The following CCSER1 variants were observed in gnomAD, a reference collection of about 807,000 sequenced individuals.
CCSER1 encodes coiled-coil serine rich protein 1, also known as serine-rich coiled-coil domain-containing protein 1.
CCSER1 carries 41 observed loss-of-function variants against 82.0 expected under a neutral mutation model. That is an observed-to-expected ratio of 0.50 (90% CI 0.39 to 0.65). CCSER1 has a LOEUF of 0.65. Among genes scored for constraint, CCSER1 ranks in the 30% least tolerant of loss-of-function variants. The pLI is 0.00. For synonymous variants in CCSER1, 414 were observed against 383.9 expected (o/e 1.08, Z -0.92); for missense variants, 1,119 against 1,064.2 (o/e 1.05, Z -0.72).
At chr4:91,380,130 G>A (rs1750764832) in intron 10 of CCSER1, among the ~76,000 whole-genome samples, 1 of 152,122 alleles carries the variant, frequency 6.6e-6, no homozygotes, top group Non-Finnish European at 1.5e-5. Context: ...TATAATTTCT[G>A]TTCTTTTACA....
intron 10 of CCSER1, among the ~76,000 whole-genome samples, chr4:91,282,522 C>A (rs1012928537): frequency 2.6e-5 from 4 of 152,222 alleles, no homozygotes; most frequent in African/African-American, 7.2e-5. Flanking sequence ...CTCTTCAGAG[C>A]AAAATGTATT....
chr4:91,389,009 C>G (rs1751485203), intron 10 of CCSER1, among the ~76,000 whole-genome samples: 1 of 151,980 alleles, frequency 6.6e-6, no homozygotes, highest in Non-Finnish European at 1.5e-5. Context: ...ATGCCTTTTA[C>G]AAATACTTCC....
intron 3 of CCSER1, among the ~76,000 whole-genome samples, chr4:90,324,020 T>C (rs1247815903): frequency 6.6e-6 from 1 of 152,194 alleles, no homozygotes; most frequent in East Asian, 1.9e-4. Flanking sequence ...TATGGCTGCA[T>C]AGTATTCCAT....
chr4:90,500,546 T>G (rs76146412), intron 5 of CCSER1, among the ~76,000 whole-genome samples: 2,450 of 152,108 alleles, frequency 0.016, 38 homozygotes, highest in African/African-American at 0.048. Context: ...GGCCAGGCTT[T>G]TTTTGAACTC....
At chr4:90,721,148 A>G (rs1742606405) in intron 6 of CCSER1, among the ~76,000 whole-genome samples, 1 of 151,940 alleles carries the variant, frequency 6.6e-6, no homozygotes, top group Non-Finnish European at 1.5e-5. Context: ...AATGAAAGAG[A>G]ACATAGTCTA....
chr4:90,717,686 A>G (rs1360449642), intron 6 of CCSER1, among the ~76,000 whole-genome samples: 1 of 151,816 alleles, frequency 6.6e-6, no homozygotes, highest in Non-Finnish European at 1.5e-5. Flanking sequence ...AAGGACACAC[A>G]TTAGACACTG....
chr4:91,350,014 T>C (rs930081773), intron 10 of CCSER1, among the ~76,000 whole-genome samples: 1 of 152,178 alleles, frequency 6.6e-6, no homozygotes, highest in Non-Finnish European at 1.5e-5. Context: ...AGAAGAGTTA[T>C]TGAGTTTCAG....
chr4:90,504,499 A>C (rs1309226862), intron 5 of CCSER1, among the ~76,000 whole-genome samples: 1 of 152,180 alleles, frequency 6.6e-6, no homozygotes, highest in African/African-American at 2.4e-5. Context: ...ACTTTTCCAC[A>C]TGGCTAAGCT....
intron 4 of CCSER1, among the ~76,000 whole-genome samples, chr4:90,412,736 C>A (rs761638855): frequency 6.6e-6 from 1 of 152,092 alleles, no homozygotes; most frequent in East Asian, 1.9e-4. Context: ...TCAGCAAAAT[C>A]GGCATAGAAG....
intron 10 of CCSER1, among the ~76,000 whole-genome samples, chr4:91,173,918 A>G (rs1733035005): frequency 1.3e-5 from 2 of 152,250 alleles, no homozygotes; most frequent in Admixed American, 1.3e-4. Flanking sequence ...AGCTAAATGT[A>G]CATTGGATTT....
chr4:90,203,982 A>C (rs1218824684), intron 1 of CCSER1, among the ~76,000 whole-genome samples: 1 of 152,128 alleles, frequency 6.6e-6, no homozygotes, highest in Non-Finnish European at 1.5e-5. Context: ...TGGCTGTATA[A>C]ATGTCTATTT....
At chr4:90,764,385 A>G (rs1039468230) in intron 7 of CCSER1, among the ~76,000 whole-genome samples, 4 of 152,184 alleles carry the variant, frequency 2.6e-5, no homozygotes, top group African/African-American at 7.2e-5. Context: ...AGAAAAATCA[A>G]TGCTTGGTCT....
rs1409343404 is a variant in CCSER1 at position 90,308,850 on chromosome 4, A to G, written c.566A>G (p.Tyr189Cys). Residue 189 changes from tyrosine to cysteine, a missense_variant, in exon 2 of 11, where the codon TAT (tyrosine) becomes TGT (cysteine). Transcript: ENST00000509176. ...CTCCCTAAATCTTTTTCATCTCACTATAAATTTTCTAAGCCAGTTCTACAG... is the reference window on the plus strand; with the variant it reads ...CTCCCTAAATCTTTTTCATCTCACTGTAAATTTTCTAAGCCAGTTCTACAG... The part of the protein sequence containing the change: ...KLLPKSFSSH[Y>C]KFSKPVLQSQ... 1.2e-6 allele frequency: 2 copies of G among 1,613,712 alleles called. No individual in the cohort carries two copies. Among genetic ancestry groups the G allele is most frequent in the African/African-American group, 1.3e-5 (1 of 74,918 alleles).
chr4:90,723,188 G>A (rs74786514), intron 6 of CCSER1, among the ~76,000 whole-genome samples: 31,119 of 151,736 alleles, frequency 0.21, 3,529 homozygotes, highest in Middle Eastern at 0.27. Context: ...TATTTTTCTT[G>A]CTTTTAGAAA....
intron 10 of CCSER1, among the ~76,000 whole-genome samples, chr4:91,519,931 C>G (rs1318324923): frequency 6.6e-6 from 1 of 152,188 alleles, no homozygotes; most frequent in East Asian, 1.9e-4. Flanking sequence ...GCCATCTTGT[C>G]CCTTCCCCCA....
At chr4:91,246,536 G>C (rs942328325) in intron 10 of CCSER1, among the ~76,000 whole-genome samples, 1 of 152,082 alleles carries the variant, frequency 6.6e-6, no homozygotes, top group South Asian at 2.1e-4. Context: ...CCAATGCTGG[G>C]TATATACCCA....
At chr4:91,353,368 A>G (rs1224330748) in intron 10 of CCSER1, among the ~76,000 whole-genome samples, 1 of 152,136 alleles carries the variant, frequency 6.6e-6, no homozygotes, top group Non-Finnish European at 1.5e-5. Context: ...CAGGGCAGGG[A>G]GTTTCACGAT....
Position 90,932,982 on chromosome 4 carries a change from G to GAGAAAAAGAA in CCSER1, c.2172+9540_2172+9541insAAGAAAGAAA, listed in dbSNP as rs1730230217. ...AGAAAGAAAGAAAGAAAGAAAGAAA[G>GAGAAAAAGAA]AGAAAGAAAGAAAGAAAGAAAGAAA... is the stretch of plus-strand genomic sequence containing the variant. On this transcript the variant is annotated intron_variant, in intron 9 of 10. Coordinates refer to ENST00000509176, the MANE Select transcript of CCSER1 (RefSeq NM_001145065.2). Among the ~76,000 whole-genome samples, 4 of 18,856 alleles carry GAGAAAAAGAA rather than the reference G, an allele frequency of 2.1e-4. 2 individuals carry two copies. Among genetic ancestry groups the GAGAAAAAGAA allele is most frequent in the African/African-American group, 1.4e-3 (4 of 2,788 alleles). 12.4% of individuals were successfully genotyped at this position (18,856 alleles called of 152,430 possible). A position where few individuals can be genotyped will look rare whatever the true frequency, so the allele number is the denominator to read the frequency against.
At chr4:91,569,060 C>G (rs901242218) in intron 10 of CCSER1, among the ~76,000 whole-genome samples, 6 of 152,120 alleles carry the variant, frequency 3.9e-5, no homozygotes, top group African/African-American at 1.4e-4. Context: ...TTATGTAGGG[C>G]CTTTATTTGA....
Sources: gnomAD v4.1 joint callset for allele counts (sites outside exome capture counted in the v4.1 genomes callset) on GRCh38, gnomAD v4.1.1 for gene constraint, MANE v1.5 for transcripts, NCBI Gene and HGNC (gene_info 2026-07-23, HGNC 2026-07-21) for gene names.